The following QTMAN variants were observed in gnomAD, a reference collection of about 807,000 sequenced individuals.
QTMAN encodes the protein tRNA-queuosine alpha-mannosyltransferase.
At chr2:144,266,018 T>C in the QTMAN span, among the ~76,000 whole-genome samples, 1 of 152,026 alleles carries the variant, frequency 6.6e-6, no homozygotes, top group Non-Finnish European at 1.5e-5. Flanking sequence ...AGTTGAGAAG[T>C]AGAAGGTAAA....
At chr2:144,238,467 A>G in the QTMAN span, among the ~76,000 whole-genome samples, 5 of 152,132 alleles carry the variant, frequency 3.3e-5, no homozygotes, top group Non-Finnish European at 7.4e-5. Context: ...CAAATTAAGT[A>G]GCATGTGATA....
At chr2:144,077,241 A>G in the QTMAN span, among the ~76,000 whole-genome samples, 1 of 152,280 alleles carries the variant, frequency 6.6e-6, no homozygotes, top group African/African-American at 2.4e-5. Context: ...AACTGAAAAA[A>G]TATAGGTCAG....
At chr2:144,105,848 C>A in the QTMAN span, among the ~76,000 whole-genome samples, 5 of 152,210 alleles carry the variant, frequency 3.3e-5, no homozygotes, top group East Asian at 9.6e-4. Flanking sequence ...TAAGGGCAGC[C>A]AGAGAGAAAG....
the QTMAN span, chr2:144,128,340 G>A: frequency 6.6e-6 from 1 of 151,938 alleles, no homozygotes; most frequent in Admixed American, 6.6e-5. Flanking sequence ...AACAAAATAC[G>A]CTATCAGCAA....
chr2:144,023,424 G>C, the QTMAN span, among the ~76,000 whole-genome samples: 1 of 152,268 alleles, frequency 6.6e-6, no homozygotes, highest in African/African-American at 2.4e-5. Context: ...CTGCTCTTAT[G>C]GGAAAAATAA....
the QTMAN span, among the ~76,000 whole-genome samples, chr2:144,292,221 T>C: frequency 6.6e-6 from 1 of 152,214 alleles, no homozygotes; most frequent in Non-Finnish European, 1.5e-5. Flanking sequence ...AAACCCAGTT[T>C]GGGACAGTCC....
chr2:144,234,436 T>C, the QTMAN span, among the ~76,000 whole-genome samples: 1 of 152,172 alleles, frequency 6.6e-6, no homozygotes, highest in African/African-American at 2.4e-5. Flanking sequence ...AGGTCTATTT[T>C]CTACAAACCA....
the QTMAN span, among the ~76,000 whole-genome samples, chr2:143,998,027 C>T: frequency 6.6e-6 from 1 of 152,030 alleles, no homozygotes; most frequent in East Asian, 1.9e-4. Flanking sequence ...AAATCTGTTG[C>T]TAAGGCAACA....
the QTMAN span, among the ~76,000 whole-genome samples, chr2:144,301,418 T>G: frequency 1.3e-5 from 2 of 152,190 alleles, no homozygotes; most frequent in Non-Finnish European, 2.9e-5. Context: ...AGACAGAGTT[T>G]CGCCTAGTTG....
chr2:144,311,218 T>C, the QTMAN span, among the ~76,000 whole-genome samples: 1 of 152,238 alleles, frequency 6.6e-6, no homozygotes, highest in Non-Finnish European at 1.5e-5. Flanking sequence ...TCATTCTTAT[T>C]CTAGAGAGAG....
At chr2:144,194,906 C>T in the QTMAN span, among the ~76,000 whole-genome samples, 1 of 152,148 alleles carries the variant, frequency 6.6e-6, no homozygotes. Flanking sequence ...CACCACTACC[C>T]CTCCACATTT....
chr2:144,094,225 G>A, the QTMAN span, among the ~76,000 whole-genome samples: 1 of 152,106 alleles, frequency 6.6e-6, no homozygotes, highest in Non-Finnish European at 1.5e-5. Context: ...TGCAAGTAAG[G>A]AAATACTTTT....
the QTMAN span, among the ~76,000 whole-genome samples, chr2:144,022,962 AT>A: frequency 3.3e-5 from 5 of 152,036 alleles, no homozygotes; most frequent in Admixed American, 1.3e-4. Flanking sequence ...AAAAATATGC[AT>A]TTTTTATGGT....
the QTMAN span, among the ~76,000 whole-genome samples, chr2:144,111,773 T>C: frequency 9.9e-5 from 15 of 152,216 alleles, no homozygotes; most frequent in Non-Finnish European, 1.8e-4. Context: ...ATCCCTGCTA[T>C]ATAATACTGG....
At chr2:143,950,224 C>A in the QTMAN span, among the ~76,000 whole-genome samples, 2 of 151,620 alleles carry the variant, frequency 1.3e-5, no homozygotes, top group Non-Finnish European at 3.0e-5. Flanking sequence ...TAACATGTAA[C>A]AGCTCAATGA....
the QTMAN span, among the ~76,000 whole-genome samples, chr2:144,153,672 C>CA: frequency 6.6e-6 from 1 of 152,152 alleles, no homozygotes. Flanking sequence ...GCCTGGGCGA[C>CA]AGAGAGAGAC....
chr2:144,231,286 CAA>C, the QTMAN span, among the ~76,000 whole-genome samples: 3 of 151,982 alleles, frequency 2.0e-5, no homozygotes, highest in African/African-American at 7.2e-5. Context: ...ATCATCTCCC[CAA>C]GAGTCATGTT....
At chr2:144,055,598 C>CT in the QTMAN span, among the ~76,000 whole-genome samples, 1 of 152,102 alleles carries the variant, frequency 6.6e-6, no homozygotes, top group Non-Finnish European at 1.5e-5. Context: ...AGAACTGAGG[C>CT]ATCCACCAGA....
chr2:143,981,337 GT>G, the QTMAN span, among the ~76,000 whole-genome samples: 60 of 147,064 alleles, frequency 4.1e-4, no homozygotes, highest in South Asian at 1.1e-3. Flanking sequence ...GAAGAACCAT[GT>G]TTTTTTTTTT....
Sources: gnomAD v4.1 joint callset for allele counts (sites outside exome capture counted in the v4.1 genomes callset) on GRCh38, gnomAD v4.1.1 for gene constraint, MANE v1.5 for transcripts, NCBI Gene and HGNC (gene_info 2026-07-23, HGNC 2026-07-21) for gene names.